KASH5: variants seen among roughly 807,000 people sequenced by gnomAD.
KASH5 encodes the protein KASH domain containing 5.
A neutral mutation model predicts 84.2 loss-of-function variants in KASH5; 72 were observed. That is an observed-to-expected ratio of 0.85 (90% CI 0.71 to 1.04). The LOEUF (loss-of-function observed/expected upper bound fraction) is 1.04. Among genes scored for constraint, KASH5 ranks in the 50% least tolerant of loss-of-function variants. The pLI, the probability that KASH5 is intolerant of heterozygous loss-of-function variation, is 0.00. For synonymous variants in KASH5, 260 were observed against 279.1 expected (o/e 0.93, Z 0.68); for missense variants, 650 against 701.0 (o/e 0.93, Z 0.82).
chr19:49,407,400 G>C (rs1974562353), intron 11 of KASH5, 104 bp downstream of exon 11: 7 of 1,310,636 alleles, frequency 5.3e-6, no homozygotes, highest in Non-Finnish European at 5.4e-6. Flanking sequence ...ATCCTTGGAT[G>C]TGCAGCTGGA....
Position 49,414,930 on chromosome 19 carries a change from A to C in KASH5, c.1329-21A>C. 1 of 1,610,496 alleles carries C rather than the reference A, an allele frequency of 6.2e-7. No individual in the cohort carries two copies. Among genetic ancestry groups the C allele is most frequent in the South Asian group, 1.1e-5 (1 of 89,984 alleles). ...CCAGGGAGAAGAGGACGAAGCCAGC[A>C]GTGACTTTGTTGGCCCTCAGGTTGA... On this transcript the variant is annotated intron_variant, in intron 16 of 19. Coordinates refer to ENST00000447857, the MANE Select transcript of KASH5 (RefSeq NM_144688.5). The surrounding 1 kb of genome is among the most constrained non-coding windows in gnomAD (Gnocchi z 4.5).
intron 2 of KASH5, chr19:49,391,616 C>T (rs1326025907): frequency 1.3e-5 from 2 of 151,838 alleles, no homozygotes; most frequent in African/African-American, 4.9e-5. Flanking sequence ...TTTTTTCATA[C>T]TAAGCCCTAA....
rs973722279 is a variant in KASH5, at chr19:49,414,002, G to C, written c.1329-949G>C. 6.6e-6 allele frequency among the ~76,000 whole-genome samples: 1 copy of C among 152,124 alleles called. No individual in the cohort carries two copies. Among genetic ancestry groups the C allele is most frequent in the African/African-American group, 2.4e-5 (1 of 41,410 alleles). On this transcript the variant is annotated intron_variant, in intron 16 of 19. Coordinates refer to ENST00000447857, the MANE Select transcript of KASH5 (RefSeq NM_144688.5). This position sits in a 1 kb window ranked among gnomAD's most constrained non-coding sequence, Gnocchi z 4.5. ...TGCAGGGCTGGATCTCTGGTCCCCA[G>C]TGAAGGCAGTGGCTGGTGGTATGGA...
rs2122238570 is a variant in KASH5 at position 49,415,284 on chromosome 19, A to G, written c.1374+288A>G. The stretch of plus-strand genomic sequence containing the variant: ...CACCGCAGGCCTCATAGACGTGGCT[A>G]CACCCCCGGATTGCATAAATGCACA... On this transcript the variant is annotated intron_variant, in intron 17 of 19. Transcript: ENST00000447857. 9.7e-6 allele frequency: 5 copies of G among 513,250 alleles called. No homozygotes were observed. In the Admixed American group the frequency reaches 1.6e-4, roughly 17 times the overall value. The allele number at this position is 513,250 out of a possible 1,614,324, so 31.8% of individuals were successfully genotyped here. A position where few individuals can be genotyped will look rare whatever the true frequency, so the allele number is the denominator to read the frequency against.
intron 2 of KASH5, 40 bp from the exon 3 acceptor site, chr19:49,394,436 A>C: frequency 1.3e-6 from 2 of 1,536,414 alleles, no homozygotes; most frequent in Non-Finnish European, 1.8e-6. Flanking sequence ...TTCCTTCCTT[A>C]TTCTTCCCAC....
Position 49,414,993 on chromosome 19 carries a change from C to T in KASH5, c.1371C>T (p.Val457=). 1 of 1,612,412 alleles carries T rather than the reference C, an allele frequency of 6.2e-7. No homozygotes were observed. The highest frequency in any genetic ancestry group is 8.5e-7 in the Non-Finnish European group (1 of 1,179,324). ...REEEEDAESQ[V]TADLPVPLGA... ...AAGAGGAGGATGCAGAGAGCCAGGT[C>T]ACGGTAGGCAGTCCCCAGCACCCCT... is the stretch of plus-strand genomic sequence containing the variant. The change falls in exon 17 of 20, where the codon GTC becomes GTT. Residue 457 remains valine, a synonymous_variant. Coordinates refer to ENST00000447857, the MANE Select transcript of KASH5 (RefSeq NM_144688.5). The surrounding 1 kb of genome is among the most constrained non-coding windows in gnomAD (Gnocchi z 4.5).
In KASH5 at chr19:49,417,144, C is replaced by G; in HGVS notation, c.1440-15C>G. ...AGGAAAAACCCAGTGGTGATTCCCT[C>G]CTTCACCCCAGCAGACCTGCGCGGC... On this transcript the variant is annotated splice_polypyrimidine_tract_variant and intron_variant, in intron 18 of 19. Coordinates refer to ENST00000447857, the MANE Select transcript of KASH5 (RefSeq NM_144688.5). The surrounding 1 kb of genome is among the most constrained non-coding windows in gnomAD (Gnocchi z 5.2). 1 of 1,612,738 alleles carries G rather than the reference C, an allele frequency of 6.2e-7. No individual in the cohort carries two copies.
rs924793135 is a variant in KASH5, at chr19:49,390,809, C to T, written c.-75C>T. 17 of 1,502,356 alleles carry T rather than the reference C, an allele frequency of 1.1e-5. No individual in the cohort carries two copies. In the East Asian group the frequency reaches 3.9e-4, roughly 34 times the overall value. The allele number at this position is 1,502,356 out of a possible 1,614,324, so 93.1% of individuals were successfully genotyped here. On this transcript the variant is annotated 5_prime_UTR_variant, in exon 2 of 20. Coordinates refer to ENST00000447857, the MANE Select transcript of KASH5 (RefSeq NM_144688.5). ...TCCAGGAGTGCTCGGGCCAGCTGGT[C>T]CTTTTCCCATCCCTCCCCATGAAGG...
chr19:49,399,907 G>T lies in KASH5; in HGVS notation c.798+400G>T. On this transcript the variant is annotated intron_variant, in intron 9 of 19. Coordinates refer to ENST00000447857, the MANE Select transcript of KASH5 (RefSeq NM_144688.5). The surrounding 1 kb of genome is among the most constrained non-coding windows in gnomAD (Gnocchi z 4.4). ...GGATGTGCTCACTAAAAGTTATCTA[G>T]CATTGTTTCTATATTAGTATTTTTT... The T allele has an allele frequency of 4.8e-6, 1 of 210,048 alleles. No individual in the cohort carries two copies. The highest frequency in any genetic ancestry group is 1.0e-4 in the East Asian group (1 of 9,838). The allele number at this position is 210,048 out of a possible 1,614,324, so 13.0% of individuals were successfully genotyped here.
Position 49,412,957 on chromosome 19 carries a change from T to C in KASH5, c.1270-11T>C. ...AGAATCAGAGAAGAACTAACCTTTT[T>C]GTTTCCACAGAGAAACTTCCAGGGA... On this transcript the variant is annotated splice_polypyrimidine_tract_variant and intron_variant, in intron 15 of 19. Transcript: ENST00000447857. This position sits in a 1 kb window ranked among gnomAD's most constrained non-coding sequence, Gnocchi z 4.6. 3.1e-6 allele frequency: 5 copies of C among 1,613,682 alleles called. No homozygotes were observed. The highest frequency in any genetic ancestry group is 4.2e-6 in the Non-Finnish European group (5 of 1,179,710).
chr19:49,407,806 T>C, intron 12 of KASH5, 135 bp downstream of exon 12: 1 of 808,136 alleles, frequency 1.2e-6, no homozygotes, highest in Non-Finnish European at 2.1e-6. Context: ...GATGTATGAC[T>C]GTATGACTGC....
chr19:49,398,284 T>A (rs1196122474), intron 7 of KASH5, 141 bp downstream of exon 7: 2 of 744,156 alleles, frequency 2.7e-6, no homozygotes, highest in African/African-American at 3.6e-5. Context: ...TTTCTGTTTT[T>A]ATCTTTTGTG....
chr19:49,409,183 C>T lies in KASH5; in HGVS notation c.1059-13C>T. 6.2e-7 allele frequency: 1 copy of T among 1,612,324 alleles called. No homozygotes were observed. The highest frequency in any genetic ancestry group is 8.5e-7 in the Non-Finnish European group (1 of 1,178,658). ...ACAGAGGCCATCTTCCTCCCTCCTT[C>T]CTGTGTGGCCAGGCTACCTGAAGGG... On this transcript the variant is annotated splice_polypyrimidine_tract_variant and intron_variant, in intron 13 of 19. Coordinates refer to ENST00000447857, the MANE Select transcript of KASH5 (RefSeq NM_144688.5).
At position 49,412,767 on chromosome 19, in the gene KASH5, G is replaced by C. The variant is rs141207045; in HGVS notation, c.1270-201G>C. On this transcript the variant is annotated intron_variant, in intron 15 of 19. Coordinates refer to ENST00000447857, the MANE Select transcript of KASH5 (RefSeq NM_144688.5). This position sits in a 1 kb window ranked among gnomAD's most constrained non-coding sequence, Gnocchi z 4.6. Reference sequence around the variant, plus strand: ...TTTGGTTTTTGGCTTCTGCCCTTAGGGGGCTAATAGGGCCATCCTCATGTA... The same window carrying C: ...TTTGGTTTTTGGCTTCTGCCCTTAGCGGGCTAATAGGGCCATCCTCATGTA... Among the ~76,000 whole-genome samples, 1 of 152,202 alleles carries C rather than the reference G, an allele frequency of 6.6e-6. No individual in the cohort carries two copies. Among genetic ancestry groups the C allele is most frequent in the African/African-American group, 2.4e-5 (1 of 41,444 alleles).
chr19:49,399,465 G>A lies in KASH5; in HGVS notation c.756G>A (p.Glu252=). 6.2e-7 allele frequency: 1 copy of A among 1,611,544 alleles called. No homozygotes were observed. The highest frequency in any genetic ancestry group is 8.5e-7 in the Non-Finnish European group (1 of 1,178,958). ...TCTCTGGGGTTGGTCAGGAAAAGGA[G>A]CAGCAGCATCTGGTGGCTGAGATGG... ...LLAQARQAEK[E]QQHLVAEMET... The change falls in exon 9 of 20, where the codon GAG becomes GAA. Residue 252 remains glutamate, a synonymous_variant. Coordinates refer to ENST00000447857, the MANE Select transcript of KASH5 (RefSeq NM_144688.5). This position sits in a 1 kb window ranked among gnomAD's most constrained non-coding sequence, Gnocchi z 4.4.
chr19:49,398,674 TTC>T (rs1036313427), intron 7 of KASH5, among the ~76,000 whole-genome samples: 1 of 131,046 alleles, frequency 7.6e-6, no homozygotes, highest in African/African-American at 3.1e-5. Flanking sequence ...CAGCCTAGAT[TTC>T]TCTCTTTATT....
At chr19:49,401,101 C>T (rs1406764712) in intron 9 of KASH5, among the ~76,000 whole-genome samples, 1 of 152,176 alleles carries the variant, frequency 6.6e-6, no homozygotes, top group Non-Finnish European at 1.5e-5. Flanking sequence ...GCCCGCATTG[C>T]CTTTGGATCT....
intron 17 of KASH5, chr19:49,415,331 G>T (rs1412524057): frequency 2.5e-6 from 1 of 395,140 alleles, no homozygotes; most frequent in Non-Finnish European, 4.7e-6. Context: ...CCACACTCGG[G>T]AGAGGTTGGG....
intron 9 of KASH5, among the ~76,000 whole-genome samples, chr19:49,405,829 G>GCTCA (rs1974507085): frequency 6.6e-6 from 1 of 151,966 alleles, no homozygotes. Context: ...GGTGGCACAT[G>GCTCA]CCTGTAATCC....
Sources: allele counts gnomAD v4.1 joint callset (sites outside exome capture counted in the v4.1 genomes callset), GRCh38; gene constraint gnomAD v4.1.1; non-coding constraint Gnocchi (gnomAD v3.1); transcripts MANE v1.5; gene names NCBI Gene and HGNC (gene_info 2026-07-23, HGNC 2026-07-21).